Variants in ARHGAP22 observed in about 807,000 individuals in gnomAD.
ARHGAP22 encodes rho GTPase-activating protein 22.
Under a neutral mutation model 59.1 loss-of-function variants are expected in ARHGAP22, and 48 were observed. The observed-to-expected ratio is 0.81, with a 90% confidence interval of 0.64 to 1.03. ARHGAP22 has a LOEUF of 1.03. Ranked by LOEUF, ARHGAP22 falls within the 50% of genes least tolerant of loss-of-function variation. The pLI is 0.00. For synonymous variants in ARHGAP22, 445 were observed against 416.4 expected, an observed-to-expected ratio of 1.07 and a Z score of -0.84; for missense variants, 1,015 against 958.7, an observed-to-expected ratio of 1.06 and a Z score of -0.78.
chr10:48,655,008 C>CTCTCTCTTTCTT (rs1554967985), upstream of ARHGAP22, among the ~76,000 whole-genome samples: 1 of 76,546 alleles, frequency 1.3e-5, no homozygotes. Flanking sequence ...CTCTTTCTTT[C>CTCTCTCTTTCTT]TCTTTCTTTC....
intron 3 of ARHGAP22, among the ~76,000 whole-genome samples, chr10:48,549,130 T>A (rs1036247342): frequency 2.0e-5 from 3 of 152,194 alleles, no homozygotes; most frequent in African/African-American, 7.2e-5. Context: ...CATACACACC[T>A]TGGTCTACAA....
chr10:48,524,019 C>T (rs1460492179), intron 3 of ARHGAP22: 2 of 1,458,732 alleles, frequency 1.4e-6, no homozygotes, highest in African/African-American at 2.9e-5. Flanking sequence ...GCGGCGGCCG[C>T]AGGGAGCGGG....
chr10:48,589,694 C>A (rs1009073041), intron 1 of ARHGAP22, among the ~76,000 whole-genome samples: 5 of 152,188 alleles, frequency 3.3e-5, no homozygotes, highest in African/African-American at 7.2e-5. Flanking sequence ...GTGCATTCTG[C>A]CTTCTTTTCA....
chr10:48,473,949 C>G (rs576502984), intron 4 of ARHGAP22, among the ~76,000 whole-genome samples: 164 of 152,324 alleles, frequency 1.1e-3, no homozygotes, highest in African/African-American at 3.7e-3. Context: ...TCTCTCCTCT[C>G]AGAGAGAGCT....
At chr10:48,586,044 C>T (rs1040720849) in intron 1 of ARHGAP22, among the ~76,000 whole-genome samples, 1 of 152,126 alleles carries the variant, frequency 6.6e-6, no homozygotes, top group South Asian at 2.1e-4. Flanking sequence ...TTTCCCTCCT[C>T]TCTGTGGGGT....
At chr10:48,518,574 C>A (rs980159847) in intron 3 of ARHGAP22, among the ~76,000 whole-genome samples, 26 of 152,152 alleles carry the variant, frequency 1.7e-4, no homozygotes, top group African/African-American at 6.0e-4. Flanking sequence ...AAGCAGGCCA[C>A]GTGTGAGAGG....
exon 1 of ARHGAP22, chr10:48,652,323 CT>C: frequency 6.5e-7 from 1 of 1,528,290 alleles, no homozygotes; most frequent in Non-Finnish European, 8.8e-7. Context: ...CTTCTGTATC[CT>C]TTTTATAAAG....
At chr10:48,520,046 G>C (rs77292048) in intron 3 of ARHGAP22, among the ~76,000 whole-genome samples, 10,817 of 152,272 alleles carry the variant, frequency 0.071, 491 homozygotes, top group South Asian at 0.11. Flanking sequence ...TCCAGGGCAG[G>C]AGCACAGGAG....
intron 3 of ARHGAP22, among the ~76,000 whole-genome samples, chr10:48,519,290 T>C (rs2053585605): frequency 6.6e-6 from 1 of 152,120 alleles, no homozygotes; most frequent in Non-Finnish European, 1.5e-5. Flanking sequence ...GCAACAGCAT[T>C]CCTGCCCAGG....
Position 48,581,277 on chromosome 10 carries a change from C to T in ARHGAP22, c.234+1676G>A, listed in dbSNP as rs142152221. The stretch of plus-strand genomic sequence containing the variant: ...ACCTGACTGGGAACCTGGGCTGGCA[C>T]GTTTGCTATAAAACCCTCCTTTATG... On this transcript the variant is annotated intron_variant, in intron 2 of 9. Transcript: ENST00000249601. Among the ~76,000 whole-genome samples, 180 of 152,342 alleles carry T rather than the reference C, an allele frequency of 1.2e-3. 1 individual carries two copies. Among genetic ancestry groups the T allele is most frequent in the Middle Eastern group, 3.4e-3 (1 of 294 alleles).
At chr10:48,454,229 A>C in intron 6 of ARHGAP22, 68 bp from the exon 7 acceptor site, 2 of 962,846 alleles carry the variant, frequency 2.1e-6, no homozygotes, top group Non-Finnish European at 3.3e-6. Context: ...GACTGCGAGG[A>C]GGGGTGGGCA....
Position 48,459,834 on chromosome 10 carries a change from C to A in ARHGAP22, c.509G>T (p.Arg170Leu), listed in dbSNP as rs755687175. The A allele has an allele frequency of 6.2e-7, 1 of 1,613,446 alleles. No homozygotes were observed. Among genetic ancestry groups the A allele is most frequent in the South Asian group, 1.1e-5 (1 of 91,088 alleles). Residue 170 changes from arginine to leucine, a missense_variant, in exon 5 of 10, where the codon CGC (arginine) becomes CTC (leucine). Arg to Leu is a moderately radical substitution (Grantham distance 102). Transcript: ENST00000249601. ...TVHHERKYGP[R>L]LAPLLVEQCV... The stretch of plus-strand genomic sequence containing the variant: ...CTGCTCCACCAGCAGGGGCGCCAGG[C>A]GGGGGCCATACTTCCGCTCGTGGTG...
intron 3 of ARHGAP22, chr10:48,493,370 G>T (rs1356538498): frequency 2.1e-6 from 3 of 1,445,674 alleles, no homozygotes; most frequent in Non-Finnish European, 2.8e-6. Context: ...CCTTTCAAGG[G>T]TTAATCGCCC....
chr10:48,487,202 C>T (rs78639577), intron 3 of ARHGAP22, among the ~76,000 whole-genome samples: 2,538 of 152,234 alleles, frequency 0.017, 69 homozygotes, highest in African/African-American at 0.057. Flanking sequence ...TAAGGTTATC[C>T]TGCAGCTCGC....
chr10:48,541,552 A>G (rs764394843), intron 3 of ARHGAP22, among the ~76,000 whole-genome samples: 1 of 152,212 alleles, frequency 6.6e-6, no homozygotes, highest in Non-Finnish European at 1.5e-5. Flanking sequence ...CCATGCAGCT[A>G]GCCCGCTGCA....
chr10:48,590,669 G>A (rs570752731), intron 1 of ARHGAP22, among the ~76,000 whole-genome samples: 54 of 152,338 alleles, frequency 3.5e-4, no homozygotes, highest in Admixed American at 6.5e-4. Context: ...GCGCTGTGCC[G>A]GGCCATCTGG....
chr10:48,449,363 A>G (rs534612731), intron 9 of ARHGAP22, among the ~76,000 whole-genome samples: 1 of 152,232 alleles, frequency 6.6e-6, no homozygotes, highest in African/African-American at 2.4e-5. Flanking sequence ...TTTTGCAGAC[A>G]TGGTGCCTGT....
chr10:48,431,769 T>G, the ARHGAP22 span, among the ~76,000 whole-genome samples: 3 of 152,132 alleles, frequency 2.0e-5, no homozygotes, highest in Admixed American at 1.3e-4. Flanking sequence ...GAGTTAAAAC[T>G]TTTTTTTATC....
At chr10:48,628,788 C>T (rs1243251822) in intron 1 of ARHGAP22, among the ~76,000 whole-genome samples, 2 of 152,162 alleles carry the variant, frequency 1.3e-5, no homozygotes, top group Non-Finnish European at 2.9e-5. Flanking sequence ...GAGTCATCAT[C>T]TTTGGTGCAC....
Sources: gnomAD v4.1 joint callset for allele counts (sites outside exome capture counted in the v4.1 genomes callset) on GRCh38, gnomAD v4.1.1 for gene constraint, MANE v1.5 for transcripts, NCBI Gene and HGNC (gene_info 2026-07-23, HGNC 2026-07-21) for gene names.